The following LIN52 variants were observed in gnomAD, a reference collection of about 807,000 sequenced individuals.
LIN52 encodes protein lin-52 homolog.
A neutral mutation model predicts 18.5 loss-of-function variants in LIN52; 4 were observed. That is an observed-to-expected ratio of 0.22 (90% CI 0.11 to 0.49). LIN52 has a LOEUF of 0.49. LIN52 is among the 20% of genes least tolerant of loss of function. LIN52 has a pLI of 0.97. For synonymous variants in LIN52, 34 were observed against 45.5 expected (o/e 0.75, Z 1.02); for missense variants, 102 against 139.5 (o/e 0.73, Z 1.35).
chr14:74,179,541 C>A (rs191077737), intron 5 of LIN52, among the ~76,000 whole-genome samples: 1 of 152,034 alleles, frequency 6.6e-6, no homozygotes, highest in Non-Finnish European at 1.5e-5. Context: ...TGCCTGTAGT[C>A]CCAGCTACTC....
intron 5 of LIN52, among the ~76,000 whole-genome samples, chr14:74,160,808 T>C (rs553691915): frequency 6.6e-6 from 1 of 152,358 alleles, no homozygotes; most frequent in African/African-American, 2.4e-5. Flanking sequence ...CCTTGTGGTC[T>C]TGAGGCCAGT....
chr14:74,099,279 T>A (rs1304897923), intron 4 of LIN52, among the ~76,000 whole-genome samples: 4 of 150,880 alleles, frequency 2.7e-5, no homozygotes, highest in African/African-American at 9.8e-5. Flanking sequence ...TAAATGAGAT[T>A]AAAAAAAAAC....
At chr14:74,135,818 AG>A (rs2061094270) in intron 5 of LIN52, among the ~76,000 whole-genome samples, 1 of 111,004 alleles carries the variant, frequency 9.0e-6, no homozygotes, top group Admixed American at 9.1e-5. Context: ...TAGAACAGGG[AG>A]TTTTTTTTTT....
chr14:74,173,272 C>T (rs2061279165), intron 5 of LIN52, among the ~76,000 whole-genome samples: 1 of 152,198 alleles, frequency 6.6e-6, no homozygotes. Context: ...GCCGCAACCT[C>T]TGCCTCCTGG....
chr14:74,162,365 G>C (rs1262228417), intron 5 of LIN52, among the ~76,000 whole-genome samples: 1 of 150,096 alleles, frequency 6.7e-6, no homozygotes, highest in East Asian at 1.9e-4. Context: ...AATCCCAGCT[G>C]CTTGGGAGGC....
chr14:74,122,329 A>G (rs1455441019), intron 5 of LIN52, among the ~76,000 whole-genome samples: 1 of 152,212 alleles, frequency 6.6e-6, no homozygotes, highest in African/African-American at 2.4e-5. Flanking sequence ...ATGAACTATC[A>G]TGGTGTCTGC....
intron 5 of LIN52, among the ~76,000 whole-genome samples, chr14:74,194,373 A>G (rs1566872096): frequency 6.6e-6 from 1 of 152,238 alleles, no homozygotes; most frequent in Non-Finnish European, 1.5e-5. Context: ...GAGTCTAAAG[A>G]AGAGATTATA....
intron 5 of LIN52, among the ~76,000 whole-genome samples, chr14:74,188,486 A>G (rs1472472016): frequency 1.3e-5 from 2 of 151,940 alleles, no homozygotes; most frequent in Admixed American, 1.3e-4. Context: ...CTTGATGTCA[A>G]ATCTGTATTC....
At chr14:74,198,120 A>G (rs1195758968) in intron 5 of LIN52, among the ~76,000 whole-genome samples, 1 of 152,220 alleles carries the variant, frequency 6.6e-6, no homozygotes, top group Non-Finnish European at 1.5e-5. Context: ...GATGAGGATG[A>G]GGATGAGGAA....
chr14:74,191,754 C>T (rs1366826345), intron 5 of LIN52, among the ~76,000 whole-genome samples: 2 of 152,060 alleles, frequency 1.3e-5, no homozygotes, highest in Non-Finnish European at 2.9e-5. Context: ...CTGCCTCAGC[C>T]TCCCCAGTAG....
At chr14:74,183,109 T>C (rs990829920) in intron 5 of LIN52, among the ~76,000 whole-genome samples, 5 of 150,086 alleles carry the variant, frequency 3.3e-5, no homozygotes, top group Admixed American at 3.3e-4. Context: ...CTCTCTTTTT[T>C]TTTTTTTAGA....
At chr14:74,130,283 T>G (rs1415565130) in intron 5 of LIN52, among the ~76,000 whole-genome samples, 1 of 127,356 alleles carries the variant, frequency 7.9e-6, no homozygotes, top group Non-Finnish European at 1.6e-5. Flanking sequence ...TTTTGGTTTT[T>G]TTTTTTTTTT....
chr14:74,176,255 T>G (rs1473559593), intron 5 of LIN52, among the ~76,000 whole-genome samples: 2 of 152,006 alleles, frequency 1.3e-5, no homozygotes, highest in East Asian at 3.9e-4. Context: ...TTCCACCTCC[T>G]GGGTTCAAGC....
intron 5 of LIN52, among the ~76,000 whole-genome samples, chr14:74,172,538 CTCTAAGTTTGA>C (rs1192816396): frequency 5.3e-5 from 8 of 152,186 alleles, no homozygotes; most frequent in Non-Finnish European, 7.3e-5. Context: ...ACTGCGTGTG[CTCTAAGTTTGA>C]TCAATGTGTA....
At chr14:74,141,903 G>A (rs910651622) in intron 5 of LIN52, among the ~76,000 whole-genome samples, 43 of 152,268 alleles carry the variant, frequency 2.8e-4, no homozygotes, top group African/African-American at 9.9e-4. Context: ...TAATGGACTT[G>A]GGAAATGATT....
intron 5 of LIN52, among the ~76,000 whole-genome samples, chr14:74,137,514 T>C (rs1303919583): frequency 6.7e-6 from 1 of 148,640 alleles, no homozygotes; most frequent in Non-Finnish European, 1.5e-5. Context: ...TTTTTTTTTT[T>C]TTGAGATGGA....
chr14:74,199,400 G>A lies in LIN52; in HGVS notation c.*423G>A, dbSNP rs1168308058. 1 of 156,822 alleles carries A rather than the reference G, an allele frequency of 6.4e-6. No homozygotes were observed. The highest frequency in any genetic ancestry group is 2.4e-5 in the African/African-American group (1 of 41,550). The allele number at this position is 156,822 out of a possible 1,614,324, so 9.7% of individuals were successfully genotyped here. ...AATTGTTCTTGATCTCTTAGAAAGT[G>A]TTTACGATGTGAGGAGACCAGAGAC... On this transcript the variant is annotated 3_prime_UTR_variant, in exon 6 of 6. Coordinates refer to ENST00000555028, the MANE Select transcript of LIN52 (RefSeq NM_001024674.3).
At chr14:74,131,931 T>C (rs1159116253) in intron 5 of LIN52, among the ~76,000 whole-genome samples, 3 of 152,178 alleles carry the variant, frequency 2.0e-5, no homozygotes, top group Non-Finnish European at 4.4e-5. Flanking sequence ...CACAACCCTG[T>C]AATATAACAG....
intron 5 of LIN52, among the ~76,000 whole-genome samples, chr14:74,126,422 T>C (rs62005151): frequency 0.078 from 11,824 of 152,208 alleles, 640 homozygotes; most frequent in South Asian, 0.18. Flanking sequence ...CTCAAACAAA[T>C]GCTTCTACAC....
Sources: gnomAD v4.1 joint callset for allele counts (sites outside exome capture counted in the v4.1 genomes callset) on GRCh38, gnomAD v4.1.1 for gene constraint, MANE v1.5 for transcripts, NCBI Gene and HGNC (gene_info 2026-07-23, HGNC 2026-07-21) for gene names.